PRTFDC1: variants seen among roughly 807,000 people sequenced by gnomAD.
PRTFDC1 encodes the protein phosphoribosyl transferase domain containing 1.
In PRTFDC1, 38 loss-of-function variants were observed where a neutral mutation model predicts 34.6. The observed-to-expected ratio is 1.10, with a 90% confidence interval of 0.85 to 1.44. PRTFDC1 has a LOEUF of 1.44. Ranked by LOEUF, PRTFDC1 falls within the 40% of genes most tolerant of loss-of-function variation. The pLI is 0.00. For synonymous variants in PRTFDC1, 93 were observed against 98.1 expected (o/e 0.95, Z 0.31); for missense variants, 270 against 283.0 (o/e 0.95, Z 0.33).
At chr10:24,880,815 C>CTTTCTT (rs1565264413) in intron 3 of PRTFDC1, among the ~76,000 whole-genome samples, 5 of 54,604 alleles carry the variant, frequency 9.2e-5, no homozygotes, top group African/African-American at 4.4e-4. Context: ...CTGTCTTTCT[C>CTTTCTT]TTTCTTTCTT....
intron 3 of PRTFDC1, among the ~76,000 whole-genome samples, chr10:24,881,388 T>A (rs1848078189): frequency 6.6e-6 from 1 of 152,196 alleles, no homozygotes; most frequent in Non-Finnish European, 1.5e-5. Context: ...AGCAGTCACC[T>A]GGAGATCATG....
intron 3 of PRTFDC1, among the ~76,000 whole-genome samples, chr10:24,890,950 G>GT (rs1290512400): frequency 1.3e-5 from 2 of 152,186 alleles, no homozygotes; most frequent in Non-Finnish European, 2.9e-5. Context: ...GGCGGAGGAG[G>GT]TGGCAGATGC....
At chr10:24,938,507 C>T (rs1227429529) in intron 2 of PRTFDC1, among the ~76,000 whole-genome samples, 1 of 152,222 alleles carries the variant, frequency 6.6e-6, no homozygotes, top group African/African-American at 2.4e-5. Flanking sequence ...CAGGCAGTTC[C>T]ACCAAGGTGG....
intron 4 of PRTFDC1, among the ~76,000 whole-genome samples, chr10:24,859,135 G>A (rs1847631907): frequency 6.6e-6 from 1 of 152,166 alleles, no homozygotes. Flanking sequence ...CTCATGAATG[G>A]TTTAGCATCA....
Position 24,849,885 on chromosome 10 carries a change from A to C in PRTFDC1, c.637T>G (p.Cys213Gly). The C allele has an allele frequency of 6.2e-7, 1 of 1,613,988 alleles. No individual in the cohort carries two copies. The highest frequency in any genetic ancestry group is 8.5e-7 in the Non-Finnish European group (1 of 1,179,914). Reference protein sequence around the residue: ...NEYFRDLNHICVINEHGKEKY... With the variant: ...NEYFRDLNHIGVINEHGKEKY... The stretch of plus-strand genomic sequence containing the variant: ...TCTTTACCGTGCTCATTGATGACGC[A>C]TATGTGCTGAAACAATAAAGGATTT... Residue 213 changes from cysteine to glycine, a missense_variant, in exon 9 of 9, where the codon TGC becomes GGC. Cys to Gly is a radical substitution (Grantham distance 159, BLOSUM62 -3). Transcript: ENST00000320152.
At chr10:24,941,947 G>C (rs184207743) in intron 2 of PRTFDC1, among the ~76,000 whole-genome samples, 1 of 152,060 alleles carries the variant, frequency 6.6e-6, no homozygotes, top group African/African-American at 2.4e-5. Context: ...GTTTTGATTT[G>C]TCAACTGAGA....
chr10:24,898,888 G>A (rs530355149), intron 3 of PRTFDC1, among the ~76,000 whole-genome samples: 26 of 152,170 alleles, frequency 1.7e-4, no homozygotes, highest in African/African-American at 5.8e-4. Context: ...GCCTCAGAGA[G>A]GTAATTAAGT....
At chr10:24,855,514 G>C in intron 6 of PRTFDC1, 150 bp from the exon 7 acceptor site, 1 of 842,072 alleles carries the variant, frequency 1.2e-6, no homozygotes, top group Non-Finnish European at 1.9e-6. Flanking sequence ...AAGACAGCAG[G>C]TCAGGCACAG....
rs756682531 is a variant in PRTFDC1, at chr10:24,872,066, G to A, written c.340-3C>T. ...ATCTCACCCATGGACTGGTCATTCT[G>A]CAAAAAAGAAGAAAAAAAAGGGAGA... On this transcript the variant is annotated splice_region_variant and splice_polypyrimidine_tract_variant and intron_variant, in intron 3 of 8. Transcript: ENST00000320152. 6.2e-6 allele frequency: 10 copies of A among 1,602,932 alleles called. No homozygotes were observed. Among genetic ancestry groups the A allele is most frequent in the Non-Finnish European group, 6.8e-6 (8 of 1,172,920 alleles).
intron 2 of PRTFDC1, among the ~76,000 whole-genome samples, chr10:24,939,173 C>T (rs907084963): frequency 7.3e-5 from 11 of 151,494 alleles, no homozygotes; most frequent in South Asian, 2.1e-4. Context: ...TGGTGGTCTG[C>T]GCCTGTAATC....
chr10:24,908,593 T>C, intron 3 of PRTFDC1: 1 of 1,612,766 alleles, frequency 6.2e-7, no homozygotes, highest in East Asian at 2.2e-5. Flanking sequence ...TATTTGGAGA[T>C]TCTTGCAGGG....
intron 2 of PRTFDC1, among the ~76,000 whole-genome samples, chr10:24,940,365 T>G (rs1849135848): frequency 6.6e-6 from 1 of 152,168 alleles, no homozygotes; most frequent in South Asian, 2.1e-4. Context: ...TAAAGAACTC[T>G]TATAGTTCAA....
In PRTFDC1 at chr10:24,855,356, A is replaced by G. The variant is rs377324304; in HGVS notation, c.515T>C (p.Val172Ala). 1.4e-5 allele frequency: 22 copies of G among 1,613,994 alleles called. No individual in the cohort carries two copies. Among genetic ancestry groups the G allele is most frequent in the Non-Finnish European group, 1.7e-6 (2 of 1,179,992 alleles). Residue 172 changes from valine to alanine, a missense_variant, in exon 7 of 9, where the codon GTG becomes GCG. Transcript: ENST00000320152. ...PNMIKVASLL[V>A]KRTSRSDGFR... Reference sequence around the variant, plus strand: ...GCCGTCACTTCTGGATGTTCTCTTCACCAACAAACTACCATTAAAAAAGAC... The same window carrying G: ...GCCGTCACTTCTGGATGTTCTCTTCGCCAACAAACTACCATTAAAAAAGAC...
intron 3 of PRTFDC1, among the ~76,000 whole-genome samples, chr10:24,927,081 T>A (rs1848888477): frequency 6.6e-6 from 1 of 151,806 alleles, no homozygotes. Flanking sequence ...GGTTTCACTT[T>A]AAAAAAAAAT....
At chr10:24,882,333 G>A (rs1455574163) in intron 3 of PRTFDC1, among the ~76,000 whole-genome samples, 1 of 152,032 alleles carries the variant, frequency 6.6e-6, no homozygotes, top group Non-Finnish European at 1.5e-5. Flanking sequence ...ATATCTGGAT[G>A]TCAACAAAGC....
At chr10:24,943,890 C>T (rs1007726974) in intron 1 of PRTFDC1, among the ~76,000 whole-genome samples, 2 of 152,130 alleles carry the variant, frequency 1.3e-5, no homozygotes, top group Admixed American at 6.5e-5. Flanking sequence ...CACACTTTGA[C>T]TCCTCTGTCC....
chr10:24,941,052 GTGTGTGTGTT>G (rs1209137568), intron 2 of PRTFDC1, among the ~76,000 whole-genome samples: 1 of 151,148 alleles, frequency 6.6e-6, no homozygotes, highest in Non-Finnish European at 1.5e-5. Context: ...GTGTGTGTGT[GTGTGTGTGTT>G]TGTGTGTTTG....
chr10:24,889,270 A>G (rs1469337987), intron 3 of PRTFDC1, among the ~76,000 whole-genome samples: 1 of 151,968 alleles, frequency 6.6e-6, no homozygotes, highest in Non-Finnish European at 1.5e-5. Context: ...AACACGCCCG[A>G]TCTCGTCTGC....
intron 3 of PRTFDC1, among the ~76,000 whole-genome samples, chr10:24,913,976 C>T (rs1373848133): frequency 6.6e-6 from 1 of 152,168 alleles, no homozygotes; most frequent in Non-Finnish European, 1.5e-5. Context: ...TCCACTTTGT[C>T]TAATTTTTTG....
Sources: gnomAD v4.1 joint callset for allele counts (sites outside exome capture counted in the v4.1 genomes callset) on GRCh38, gnomAD v4.1.1 for gene constraint, MANE v1.5 for transcripts, NCBI Gene and HGNC (gene_info 2026-07-23, HGNC 2026-07-21) for gene names.